The following VPS26C variants were observed in gnomAD, a reference collection of about 807,000 sequenced individuals.
The protein encoded by VPS26C is VPS26 endosomal protein sorting factor C.
Under a neutral mutation model 30.6 loss-of-function variants are expected in VPS26C, and 19 were observed. The ratio of observed to expected loss-of-function variants is 0.62; its 90% CI spans 0.43 to 0.91. VPS26C has a LOEUF of 0.91. VPS26C is among the 40% of genes least tolerant of loss of function. VPS26C has a pLI of 0.00. For missense variants in VPS26C, 318 were observed against 385.1 expected (o/e 0.83, Z 1.46); for synonymous variants, 132 against 151.5 (o/e 0.87, Z 0.95).
intron 1 of VPS26C, 39 bp from the exon 2 acceptor site, chr21:37,240,678 C>G: frequency 6.2e-7 from 1 of 1,602,894 alleles, no homozygotes; most frequent in Non-Finnish European, 8.5e-7. Flanking sequence ...AATTAGCATG[C>G]TTCCTCCATT....
chr21:37,260,074 A>C (rs779985050), intron 1 of VPS26C, among the ~76,000 whole-genome samples: 9 of 152,326 alleles, frequency 5.9e-5, no homozygotes, highest in Middle Eastern at 3.4e-3. Flanking sequence ...AGGCACAAAG[A>C]ATCCTGGATT....
rs952042711 is a variant in VPS26C at position 37,233,026 on chromosome 21, G to A, written c.432+336C>T. 2.6e-5 allele frequency among the ~76,000 whole-genome samples: 4 copies of A among 152,216 alleles called. No individual in the cohort carries two copies. The highest frequency in any genetic ancestry group is 9.6e-5 in the African/African-American group (4 of 41,460). On this transcript the variant is annotated intron_variant, in intron 4 of 7. Transcript: ENST00000309117. The surrounding 1 kb of genome is among the most constrained non-coding windows in gnomAD (Gnocchi z 5.2). ...TTTCAGAATCTACAGATACAGCCGA[G>A]CTTCATGAGAGCCTGCCTGGCATTT... is the stretch of plus-strand genomic sequence containing the variant.
Position 37,255,145 on chromosome 21 carries a change from C to A in VPS26C, c.57+12093G>T, listed in dbSNP as rs553006361. Among the ~76,000 whole-genome samples, 63 of 152,286 alleles carry A rather than the reference C, an allele frequency of 4.1e-4. 1 individual carries two copies. The East Asian group carries it at 9.3e-3, about 22-fold the overall frequency. ...GAAACACACGGTCAAACTATCATGACTGTATTTTTTTTAGATTAGAAAAAG... is the reference window on the plus strand; with the variant it reads ...GAAACACACGGTCAAACTATCATGAATGTATTTTTTTTAGATTAGAAAAAG... On this transcript the variant is annotated intron_variant, in intron 1 of 7. Coordinates refer to ENST00000309117, the MANE Select transcript of VPS26C (RefSeq NM_006052.2).
At chr21:37,267,494 G>C (rs572667026), upstream of VPS26C, 164 of 598,526 alleles carry the variant, frequency 2.7e-4, 1 homozygote, top group African/African-American at 1.8e-3. Context: ...CACAAGAGCC[G>C]GCCTTAGTGC....
At chr21:37,262,003 G>A (rs535455424) in intron 1 of VPS26C, 2 of 152,054 alleles carry the variant, frequency 1.3e-5, no homozygotes, top group East Asian at 3.9e-4. Context: ...AGTGGGAAAT[G>A]TCTACATTTT....
chr21:37,240,247 T>C (rs536650536), intron 2 of VPS26C, among the ~76,000 whole-genome samples: 2 of 151,948 alleles, frequency 1.3e-5, no homozygotes, highest in Non-Finnish European at 2.9e-5. Flanking sequence ...CTCAGCCTCC[T>C]GAGTAGCTGG....
Position 37,225,258 on chromosome 21 carries a change from A to T in VPS26C, c.*286T>A, listed in dbSNP as rs201970365. 4,968 of 448,884 alleles carry T rather than the reference A, an allele frequency of 0.011. 59 individuals carry two copies. Among genetic ancestry groups the T allele is most frequent in the East Asian group, 0.022 (590 of 27,038 alleles). 27.8% of individuals were successfully genotyped at this position (448,884 alleles called of 1,614,324 possible). ...TGTTTTACTGTACCTAAAAAGGAAC[A>T]GATAAGGCAAGAGCCACAGTCAATG... On this transcript the variant is annotated 3_prime_UTR_variant, in exon 8 of 8. Transcript: ENST00000309117.
chr21:37,267,045 G>A (rs1206505662), intron 1 of VPS26C, 193 bp downstream of exon 1: 7 of 641,638 alleles, frequency 1.1e-5, no homozygotes, highest in South Asian at 1.8e-5. Flanking sequence ...CTCCTCGCAG[G>A]GCAGCCAGCC....
rs1001363585 is a variant in VPS26C at position 37,226,743 on chromosome 21, G to A, written c.811+911C>T. On this transcript the variant is annotated intron_variant, in intron 7 of 7. Coordinates refer to ENST00000309117, the MANE Select transcript of VPS26C (RefSeq NM_006052.2). This position sits in a 1 kb window ranked among gnomAD's most constrained non-coding sequence, Gnocchi z 4.1. Reference sequence around the variant, plus strand: ...ACCGTGCATTTGAGGTCACTCGCACGGAATTGGAGGGGAACACACAGAGGT... The same window carrying A: ...ACCGTGCATTTGAGGTCACTCGCACAGAATTGGAGGGGAACACACAGAGGT... The A allele has an allele frequency of 3.3e-5, 5 of 152,194 alleles. No individual in the cohort carries two copies. The highest frequency in any genetic ancestry group is 3.3e-4 in the Admixed American group (5 of 15,282). 9.4% of individuals were successfully genotyped at this position (152,194 alleles called of 1,614,324 possible).
At chr21:37,263,786 T>C (rs1453707054) in intron 1 of VPS26C, among the ~76,000 whole-genome samples, 2 of 152,144 alleles carry the variant, frequency 1.3e-5, no homozygotes, top group Non-Finnish European at 2.9e-5. Flanking sequence ...GGCAGGTCCA[T>C]AGGTAAGTCA....
chr21:37,230,677 G>A (rs2085952199), intron 5 of VPS26C: 1 of 152,308 alleles, frequency 6.6e-6, no homozygotes. Context: ...GACCACCCCA[G>A]TGAAGTGTTT....
intron 1 of VPS26C, among the ~76,000 whole-genome samples, chr21:37,256,813 ACT>A (rs2086248154): frequency 6.6e-6 from 1 of 152,218 alleles, no homozygotes. Context: ...TGTATGACAT[ACT>A]TTTTTCTTTT....
Position 37,267,228 on chromosome 21 carries a change from C to A in VPS26C, c.57+10G>T. 1.3e-6 allele frequency: 2 copies of A among 1,585,270 alleles called. No individual in the cohort carries two copies. Among genetic ancestry groups the A allele is most frequent in the Non-Finnish European group, 1.7e-6 (2 of 1,155,518 alleles). ...CCCCACCTCCATCCCCACCCCCAGC[C>A]CCCACTTACCCCGGCGTGATAAACT... On this transcript the variant is annotated intron_variant, in intron 1 of 7. Transcript: ENST00000309117.
intron 1 of VPS26C, among the ~76,000 whole-genome samples, chr21:37,256,026 G>A (rs2086239949): frequency 6.6e-6 from 1 of 152,036 alleles, no homozygotes; most frequent in African/African-American, 2.4e-5. Flanking sequence ...AGTAGAGACA[G>A]GGTTTCTTCA....
In VPS26C at chr21:37,227,744, C is replaced by A; in HGVS notation, c.721G>T (p.Asp241Tyr). 1 of 1,614,212 alleles carries A rather than the reference C, an allele frequency of 6.2e-7. No homozygotes were observed. Among genetic ancestry groups the A allele is most frequent in the Non-Finnish European group, 8.5e-7 (1 of 1,180,042 alleles). The change falls in exon 7 of 8, where the codon GAT (aspartate) becomes TAT (tyrosine). Residue 241 changes from aspartate (D) to tyrosine (Y), a missense_variant. Physicochemically the swap from Asp to Tyr is radical, Grantham distance 160. Transcript: ENST00000309117. Reference protein sequence around the residue: ...EIQNIQIADGDVCRGLSVPIY... With the variant: ...EIQNIQIADGYVCRGLSVPIY... The stretch of plus-strand genomic sequence containing the variant: ...GGGACAGAGAGGCCCCTGCACACAT[C>A]CCCGTCGGCGATCTGAATGTTCTGA...
intron 3 of VPS26C, chr21:37,237,422 C>T (rs755892590): frequency 6.6e-6 from 1 of 152,150 alleles, no homozygotes; most frequent in African/African-American, 2.4e-5. Context: ...AGGGTGGAAA[C>T]AGTCCCAACC....
chr21:37,267,537 C>T (rs564359364), upstream of VPS26C: 8 of 564,100 alleles, frequency 1.4e-5, no homozygotes, highest in South Asian at 1.3e-4. Flanking sequence ...CACCCCGCCC[C>T]CTCTGGGCGT....
chr21:37,240,941 C>T (rs1392981547), intron 1 of VPS26C, among the ~76,000 whole-genome samples: 1 of 152,150 alleles, frequency 6.6e-6, no homozygotes, highest in Admixed American at 6.6e-5. Flanking sequence ...CAACAGATGT[C>T]TGAATTCAAG....
intron 3 of VPS26C, among the ~76,000 whole-genome samples, chr21:37,236,302 G>A (rs2086023360): frequency 1.3e-5 from 2 of 152,134 alleles, no homozygotes; most frequent in Admixed American, 1.3e-4. Context: ...TCTCTGGGCG[G>A]CACTTGCTCT....
Sources: allele counts gnomAD v4.1 joint callset (sites outside exome capture counted in the v4.1 genomes callset), GRCh38; gene constraint gnomAD v4.1.1; non-coding constraint Gnocchi (gnomAD v3.1); transcripts MANE v1.5; gene names NCBI Gene and HGNC (gene_info 2026-07-23, HGNC 2026-07-21).